Variants in SLC41A3 observed in about 807,000 individuals in gnomAD.
The protein encoded by SLC41A3 is solute carrier family 41 member 3.
Under a neutral mutation model 45.4 loss-of-function variants are expected in SLC41A3, and 44 were observed. That is an observed-to-expected ratio of 0.97 (90% CI 0.76 to 1.25). SLC41A3 has a LOEUF of 1.25. Among genes scored for constraint, SLC41A3 ranks in the 50% most tolerant of loss-of-function variants. SLC41A3 has a pLI of 0.00. For missense variants in SLC41A3, 550 were observed against 600.6 expected, an observed-to-expected ratio of 0.92 and a Z score of 0.88; for synonymous variants, 256 against 252.4, an observed-to-expected ratio of 1.01 and a Z score of -0.13.
chr3:126,081,832 C>T (rs1190067908), intron 1 of SLC41A3, among the ~76,000 whole-genome samples: 2 of 152,240 alleles, frequency 1.3e-5, no homozygotes, highest in Non-Finnish European at 2.9e-5. Flanking sequence ...CACACGCGTG[C>T]CTGAGGAGGT....
At chr3:126,025,597 GGT>G (rs1486164566) in intron 5 of SLC41A3, 1 of 152,168 alleles carries the variant, frequency 6.6e-6, no homozygotes, top group East Asian at 1.9e-4. Context: ...GCCTTTGGGA[GGT>G]GAGGTCATGA....
chr3:126,039,515 T>C (rs1383578748), intron 3 of SLC41A3, among the ~76,000 whole-genome samples: 2 of 152,212 alleles, frequency 1.3e-5, no homozygotes, highest in African/African-American at 2.4e-5. Flanking sequence ...TCATGGGTGA[T>C]AGCAGCGAGA....
At chr3:126,086,416 T>TTG (rs1267489767), upstream of SLC41A3, among the ~76,000 whole-genome samples, 143 of 131,276 alleles carry the variant, frequency 1.1e-3, 3 homozygotes, top group Middle Eastern at 7.7e-3. Context: ...TTGTTTTTTT[T>TTG]TTTTTTTTTT....
At chr3:126,067,375 T>A (rs1944403840) in intron 2 of SLC41A3, 1 of 165,168 alleles carries the variant, frequency 6.1e-6, no homozygotes, top group Non-Finnish European at 1.3e-5. Context: ...GACACAGCCT[T>A]TAAGAGGTAA....
At chr3:126,065,475 T>A (rs1944302428) in intron 2 of SLC41A3, among the ~76,000 whole-genome samples, 1 of 152,236 alleles carries the variant, frequency 6.6e-6, no homozygotes, top group Non-Finnish European at 1.5e-5. Context: ...AACAAACCGA[T>A]GCAGACCAGC....
chr3:126,020,422 T>C (rs549720842), intron 6 of SLC41A3, among the ~76,000 whole-genome samples: 3 of 152,206 alleles, frequency 2.0e-5, no homozygotes, highest in Non-Finnish European at 4.4e-5. Context: ...GGTGGCTCAG[T>C]CACACCCTTG....
At chr3:126,020,577 G>A (rs1200063557) in intron 6 of SLC41A3, among the ~76,000 whole-genome samples, 3 of 152,180 alleles carry the variant, frequency 2.0e-5, no homozygotes, top group African/African-American at 7.2e-5. Context: ...CCACCTGAAT[G>A]GACTTCCTCC....
chr3:126,017,199 C>T (rs1371768067), intron 6 of SLC41A3, among the ~76,000 whole-genome samples: 1 of 152,252 alleles, frequency 6.6e-6, no homozygotes, highest in Admixed American at 6.5e-5. Context: ...ATGGAATGCA[C>T]CATGAGCCAG....
chr3:126,060,069 G>A (rs901511481), intron 2 of SLC41A3, among the ~76,000 whole-genome samples: 8 of 152,208 alleles, frequency 5.3e-5, no homozygotes, highest in African/African-American at 1.4e-4. Context: ...ATAGAAAGAG[G>A]TGTCTGACCA....
At chr3:126,067,500 A>C in intron 2 of SLC41A3, 2 of 381,504 alleles carry the variant, frequency 5.2e-6, no homozygotes, top group South Asian at 4.1e-5. Flanking sequence ...AGACACGGAG[A>C]AAAGGCAGCC....
Position 126,022,924 on chromosome 3 carries a change from T to A in SLC41A3, c.607A>T (p.Met203Leu). 6.2e-7 allele frequency: 1 copy of A among 1,614,070 alleles called. No individual in the cohort carries two copies. Among genetic ancestry groups the A allele is most frequent in the East Asian group, 2.2e-5 (1 of 44,870 alleles). Residue 203 changes from methionine to leucine, a missense_variant, in exon 6 of 11, where the codon ATG becomes TTG. By Grantham distance (15) the Met-to-Leu change is conservative. Coordinates refer to ENST00000360370, the MANE Select transcript of SLC41A3 (RefSeq NM_017836.4). The stretch of plus-strand genomic sequence containing the variant: ...CGAGCACCAATCACTATACAGACCA[T>A]CAGCACCCCTGCAGAGAGAGAGAGG... ...FLAAFALGVL[M>L]VCIVIGARKL...
Position 126,095,389 on chromosome 3 carries a change from TCA to T in SLC41A3, c.-79+6038_-79+6039del, listed in dbSNP as rs367692122. ...CACCGGAGGACAGATCAAGAAGCTG[TCA>T]CAGATGGCAGAAGAAAACCTAAGGA... is the stretch of plus-strand genomic sequence containing the variant. On this transcript the variant is annotated intron_variant, in intron 1 of 9. Transcript: ENST00000508835. 4.0e-4 allele frequency: 203 copies of T among 505,444 alleles called. 1 individual carries two copies. Among genetic ancestry groups the T allele is most frequent in the African/African-American group, 3.8e-3 (192 of 50,502 alleles). The allele number at this position is 505,444 out of a possible 1,614,324, so 31.3% of individuals were successfully genotyped here. A position where few individuals can be genotyped will look rare whatever the true frequency, so the allele number is the denominator to read the frequency against.
chr3:126,018,959 T>C (rs1940581556), intron 6 of SLC41A3, among the ~76,000 whole-genome samples: 1 of 152,224 alleles, frequency 6.6e-6, no homozygotes, highest in East Asian at 1.9e-4. Flanking sequence ...GTCCTTCCTG[T>C]GGGAATAATG....
chr3:126,096,488 C>A (rs1416411298), intron 1 of SLC41A3, among the ~76,000 whole-genome samples: 3 of 152,216 alleles, frequency 2.0e-5, no homozygotes, highest in Non-Finnish European at 4.4e-5. Context: ...AACGCCCACA[C>A]TGGAAGGTTG....
chr3:126,065,325 T>C (rs1454902815), intron 2 of SLC41A3, among the ~76,000 whole-genome samples: 1 of 152,248 alleles, frequency 6.6e-6, no homozygotes, highest in Non-Finnish European at 1.5e-5. Context: ...TGTGGTAATG[T>C]GGAACACAGC....
chr3:126,028,440 C>T (rs189635333), intron 4 of SLC41A3, among the ~76,000 whole-genome samples: 7 of 152,254 alleles, frequency 4.6e-5, no homozygotes, highest in Non-Finnish European at 7.3e-5. Context: ...GTTATGCCTG[C>T]GGTTGCACAG....
At chr3:126,095,301 G>A (rs1945574964) in intron 1 of SLC41A3, 12 of 662,350 alleles carry the variant, frequency 1.8e-5, no homozygotes, top group Non-Finnish European at 1.9e-5. Context: ...TTGCAGCCGT[G>A]TTGAGGCTGA....
intron 1 of SLC41A3, among the ~76,000 whole-genome samples, chr3:126,099,295 A>G (rs1945664005): frequency 6.6e-6 from 1 of 152,132 alleles, no homozygotes; most frequent in African/African-American, 2.4e-5. Flanking sequence ...CTGGTGAAGC[A>G]TGGATTATCT....
intron 1 of SLC41A3, among the ~76,000 whole-genome samples, chr3:126,082,246 C>T (rs1308269104): frequency 6.6e-6 from 1 of 152,166 alleles, no homozygotes; most frequent in Non-Finnish European, 1.5e-5. Context: ...GGAAAGTGGG[C>T]TGTGGGCCAG....
Sources: gnomAD v4.1 joint callset for allele counts (sites outside exome capture counted in the v4.1 genomes callset) on GRCh38, gnomAD v4.1.1 for gene constraint, MANE v1.5 for transcripts, NCBI Gene and HGNC (gene_info 2026-07-23, HGNC 2026-07-21) for gene names.